SPOCK3: variants seen among roughly 807,000 people sequenced by gnomAD.
SPOCK3 encodes the protein testican-3.
In SPOCK3, 30 loss-of-function variants were observed where a neutral mutation model predicts 56.6. That is an observed-to-expected ratio of 0.53 (90% CI 0.40 to 0.72). SPOCK3 has a LOEUF of 0.72. SPOCK3 is among the 30% of genes least tolerant of loss of function. SPOCK3 has a pLI of 0.00. For synonymous variants in SPOCK3, 196 were observed against 183.3 expected (o/e 1.07, Z -0.56); for missense variants, 527 against 530.0 (o/e 0.99, Z 0.06).
chr4:167,032,121 C>T (rs1752333898), intron 3 of SPOCK3, among the ~76,000 whole-genome samples: 1 of 151,620 alleles, frequency 6.6e-6, no homozygotes, highest in African/African-American at 2.4e-5. Flanking sequence ...ATTTACAAGC[C>T]CAAGAAATCA....
At chr4:166,907,834 A>AT (rs1560996089) in intron 5 of SPOCK3, among the ~76,000 whole-genome samples, 1 of 152,022 alleles carries the variant, frequency 6.6e-6, no homozygotes, top group Non-Finnish European at 1.5e-5. Flanking sequence ...AAGTATCCCC[A>AT]TAAATGATCA....
chr4:166,962,470 A>G (rs1356975824), intron 4 of SPOCK3, among the ~76,000 whole-genome samples: 2 of 152,080 alleles, frequency 1.3e-5, no homozygotes, highest in Admixed American at 1.3e-4. Context: ...AACTTTTTTC[A>G]GTGTTTGTAT....
At chr4:166,971,993 A>C (rs1186646930) in intron 4 of SPOCK3, among the ~76,000 whole-genome samples, 2 of 152,190 alleles carry the variant, frequency 1.3e-5, no homozygotes, top group African/African-American at 4.8e-5. Context: ...ATGGTATGAG[A>C]GAATTATAAC....
chr4:166,976,409 A>G (rs940014505), intron 4 of SPOCK3, among the ~76,000 whole-genome samples: 7 of 152,128 alleles, frequency 4.6e-5, no homozygotes, highest in Non-Finnish European at 8.8e-5. Context: ...TTGCAACCCA[A>G]TGTCAGTATA....
At chr4:167,127,982 C>G (rs1404131578) in intron 2 of SPOCK3, among the ~76,000 whole-genome samples, 1 of 152,216 alleles carries the variant, frequency 6.6e-6, no homozygotes, top group Non-Finnish European at 1.5e-5. Context: ...GCTCTGGACA[C>G]TGGGCCTCTC....
At chr4:166,932,745 T>C (rs1739933421) in intron 4 of SPOCK3, among the ~76,000 whole-genome samples, 1 of 152,180 alleles carries the variant, frequency 6.6e-6, no homozygotes, top group Non-Finnish European at 1.5e-5. Flanking sequence ...CACAGGTAAG[T>C]AGATAGATAA....
chr4:166,991,343 A>ATATTTATT (rs5863850), intron 4 of SPOCK3, among the ~76,000 whole-genome samples: 36,321 of 142,588 alleles, frequency 0.25, 5,031 homozygotes, highest in Non-Finnish European at 0.3. Context: ...TTTTGTTTTT[A>ATATTTATT]TATTTATTTA....
At chr4:167,116,128 T>C (rs2150355094) in intron 2 of SPOCK3, among the ~76,000 whole-genome samples, 1 of 151,984 alleles carries the variant, frequency 6.6e-6, no homozygotes, top group South Asian at 2.1e-4. Flanking sequence ...AAATGACTTA[T>C]GCATGCTCTA....
intron 6 of SPOCK3, among the ~76,000 whole-genome samples, chr4:166,840,512 C>A (rs879905352): frequency 6.6e-6 from 1 of 152,138 alleles, no homozygotes; most frequent in Non-Finnish European, 1.5e-5. Context: ...CTCATCATAT[C>A]TGATGTTTCT....
At chr4:167,222,732 TATAA>T (rs1420474753) in intron 2 of SPOCK3, among the ~76,000 whole-genome samples, 4 of 130,922 alleles carry the variant, frequency 3.1e-5, no homozygotes, top group Middle Eastern at 9.8e-3. Flanking sequence ...TATATGAATA[TATAA>T]ATATATAAAC....
intron 8 of SPOCK3, among the ~76,000 whole-genome samples, chr4:166,744,936 A>G (rs1427485880): frequency 2.0e-5 from 3 of 151,618 alleles, no homozygotes; most frequent in African/African-American, 4.8e-5. Context: ...AAGTTTAGAG[A>G]AAAAAAAAGT....
intron 4 of SPOCK3, among the ~76,000 whole-genome samples, chr4:166,988,329 A>T (rs191369454): frequency 6.6e-6 from 1 of 152,146 alleles, no homozygotes; most frequent in Non-Finnish European, 1.5e-5. Context: ...ACTCTACTGG[A>T]TGCTTTCTCT....
intron 7 of SPOCK3, among the ~76,000 whole-genome samples, chr4:166,762,053 T>A (rs1179208628): frequency 6.7e-6 from 1 of 148,820 alleles, no homozygotes; most frequent in East Asian, 2.0e-4. Context: ...AAAAGAGGTA[T>A]TTCTGGCATT....
intron 2 of SPOCK3, among the ~76,000 whole-genome samples, chr4:167,183,148 A>C (rs1261383737): frequency 6.6e-6 from 1 of 152,042 alleles, no homozygotes; most frequent in East Asian, 1.9e-4. Context: ...AACCCACAGA[A>C]CTGCAGTAAC....
At chr4:167,011,329 G>A (rs771059604) in intron 3 of SPOCK3, 3 of 455,564 alleles carry the variant, frequency 6.6e-6, no homozygotes, top group South Asian at 4.6e-5. Flanking sequence ...TTGATTCAGG[G>A]GTTGTTGCCT....
intron 6 of SPOCK3, among the ~76,000 whole-genome samples, chr4:166,872,775 G>C (rs2126951526): frequency 6.6e-6 from 1 of 152,200 alleles, no homozygotes; most frequent in Non-Finnish European, 1.5e-5. Context: ...CCTGAGATTG[G>C]ACAGTTTATT....
intron 6 of SPOCK3, among the ~76,000 whole-genome samples, chr4:166,859,925 T>A (rs1731067720): frequency 6.6e-6 from 1 of 152,126 alleles, no homozygotes; most frequent in Non-Finnish European, 1.5e-5. Flanking sequence ...TTTACAAATG[T>A]ATCGGTGACA....
chr4:166,783,222 G>A (rs1198209716), intron 7 of SPOCK3, among the ~76,000 whole-genome samples: 1 of 152,136 alleles, frequency 6.6e-6, no homozygotes, highest in African/African-American at 2.4e-5. Flanking sequence ...AGCCAGGCAT[G>A]GTGGCACATG....
At position 166,800,183 on chromosome 4, in the gene SPOCK3, GA is replaced by G. The variant is rs367811359; in HGVS notation, c.590-7895del. On this transcript the variant is annotated intron_variant, in intron 6 of 10. Transcript: ENST00000357545. ...GGCGACAGAGAGAGACTCCATCTCAGAAAAAAAAAAAAAAAAAAAAAAATGA... is the reference window on the plus strand; with the variant it reads ...GGCGACAGAGAGAGACTCCATCTCAGAAAAAAAAAAAAAAAAAAAAAATGA... Among the ~76,000 whole-genome samples the G allele has an allele frequency of 3.3e-3, 170 of 51,788 alleles. 1 individual carries two copies. The highest frequency in any genetic ancestry group is 0.011 in the Middle Eastern group (1 of 94). 34.0% of individuals were successfully genotyped at this position (51,788 alleles called of 152,430 possible).
Sources: gnomAD v4.1 joint callset for allele counts (sites outside exome capture counted in the v4.1 genomes callset) on GRCh38, gnomAD v4.1.1 for gene constraint, MANE v1.5 for transcripts, NCBI Gene and HGNC (gene_info 2026-07-23, HGNC 2026-07-21) for gene names.